The following ARHGAP18 variants were observed in gnomAD, a reference collection of about 807,000 sequenced individuals.
ARHGAP18 encodes the protein rho GTPase-activating protein 18.
Under a neutral mutation model 86.2 loss-of-function variants are expected in ARHGAP18, and 67 were observed. That is an observed-to-expected ratio of 0.78 (90% CI 0.64 to 0.95). ARHGAP18 has a LOEUF of 0.95. ARHGAP18 is among the 40% of genes least tolerant of loss of function. The pLI is 0.00. For missense variants in ARHGAP18, 691 were observed against 780.4 expected (o/e 0.89, Z 1.37); for synonymous variants, 283 against 280.4 (o/e 1.01, Z -0.09).
In ARHGAP18 at chr6:129,584,052, C is replaced by A. The variant is rs1415958105; in HGVS notation, c.1774G>T (p.Ala592Ser). Residue 592 changes from alanine to serine, a missense_variant, in exon 13 of 15, where the codon GCA becomes TCA. Ala to Ser is a moderately conservative substitution (Grantham distance 99). Coordinates refer to ENST00000368149, the MANE Select transcript of ARHGAP18 (RefSeq NM_033515.3). ...TTTAGTTCTTCAGTTAGCTGTATTGCCATGGAAACTTTCGAAAGATGGGGA... is the reference window on the plus strand; with the variant it reads ...TTTAGTTCTTCAGTTAGCTGTATTGACATGGAAACTTTCGAAAGATGGGGA... ...QAPHLSKVSM[A>S]IQLTEELKAS... 1.2e-6 allele frequency: 2 copies of A among 1,613,776 alleles called. No homozygotes were observed. Among genetic ancestry groups the A allele is most frequent in the Non-Finnish European group, 1.7e-6 (2 of 1,179,842 alleles).
intron 13 of ARHGAP18, among the ~76,000 whole-genome samples, chr6:129,582,598 G>A (rs1162600464): frequency 6.6e-6 from 1 of 152,166 alleles, no homozygotes; most frequent in Non-Finnish European, 1.5e-5. Context: ...AGACACTATA[G>A]GGAGCAAAGA....
intron 1 of ARHGAP18, among the ~76,000 whole-genome samples, chr6:129,701,494 G>C (rs111817261): frequency 4.6e-5 from 7 of 152,310 alleles, no homozygotes; most frequent in Admixed American, 1.3e-4. Flanking sequence ...AATTAAGGCC[G>C]GGCGCGGTGG....
intron 1 of ARHGAP18, among the ~76,000 whole-genome samples, chr6:129,688,304 T>C (rs1439212189): frequency 6.6e-6 from 1 of 152,214 alleles, no homozygotes. Context: ...ATCTTCTTAG[T>C]TGGATGTAAG....
At chr6:129,704,303 G>C (rs1469282197) in intron 1 of ARHGAP18, among the ~76,000 whole-genome samples, 2 of 151,986 alleles carry the variant, frequency 1.3e-5, no homozygotes, top group East Asian at 3.9e-4. Flanking sequence ...AAATTAGCCA[G>C]GCATGGTAGC....
At chr6:129,656,569 G>C (rs934325980) in intron 1 of ARHGAP18, among the ~76,000 whole-genome samples, 2 of 152,096 alleles carry the variant, frequency 1.3e-5, no homozygotes, top group Admixed American at 1.3e-4. Context: ...TGAAGAACCC[G>C]GGAGGCGGAG....
At chr6:129,654,278 G>A (rs946781558) in intron 1 of ARHGAP18, among the ~76,000 whole-genome samples, 3 of 152,152 alleles carry the variant, frequency 2.0e-5, no homozygotes, top group Non-Finnish European at 2.9e-5. Context: ...CCATTCTTGT[G>A]CAATGCCACA....
chr6:129,641,249 T>C (rs189486248), intron 2 of ARHGAP18, among the ~76,000 whole-genome samples: 2 of 152,318 alleles, frequency 1.3e-5, no homozygotes, highest in Admixed American at 1.3e-4. Flanking sequence ...TCTAGAAATG[T>C]CTTGGCTAGG....
At chr6:129,691,252 CAG>C in intron 1 of ARHGAP18, among the ~76,000 whole-genome samples, 1 of 152,342 alleles carries the variant, frequency 6.6e-6, no homozygotes, top group Middle Eastern at 3.4e-3. Context: ...AAAGACTACA[CAG>C]ACTTTGGCCC....
intron 1 of ARHGAP18, among the ~76,000 whole-genome samples, chr6:129,657,319 CTAGTT>C (rs1456328330): frequency 2.0e-5 from 3 of 151,338 alleles, no homozygotes; most frequent in Non-Finnish European, 4.4e-5. Flanking sequence ...GGGATAGTAA[CTAGTT>C]TAGTCTCTTC....
intron 1 of ARHGAP18, among the ~76,000 whole-genome samples, chr6:129,696,821 A>G (rs1230544138): frequency 1.3e-5 from 2 of 152,232 alleles, no homozygotes; most frequent in Admixed American, 1.3e-4. Context: ...CAAGAAGATC[A>G]GGAAAGGCAG....
chr6:129,609,978 C>T (rs1788944195), intron 8 of ARHGAP18, among the ~76,000 whole-genome samples: 1 of 151,202 alleles, frequency 6.6e-6, no homozygotes. Context: ...GGACAGTGTG[C>T]ACTCCCCAAG....
At chr6:129,687,282 A>G (rs936123027) in intron 1 of ARHGAP18, among the ~76,000 whole-genome samples, 1 of 152,184 alleles carries the variant, frequency 6.6e-6, no homozygotes, top group East Asian at 1.9e-4. Context: ...ACCAGTTTCC[A>G]ACATTCCAAA....
At chr6:129,685,543 T>G (rs1002560100) in intron 1 of ARHGAP18, among the ~76,000 whole-genome samples, 1 of 152,166 alleles carries the variant, frequency 6.6e-6, no homozygotes, top group African/African-American at 2.4e-5. Flanking sequence ...TGAGTCAATA[T>G]TCAAATATAG....
chr6:129,583,107 G>A lies in ARHGAP18; in HGVS notation c.1838+881C>T, dbSNP rs185991592. Among the ~76,000 whole-genome samples, 57 of 152,260 alleles carry A rather than the reference G, an allele frequency of 3.7e-4. 1 individual carries two copies. Among genetic ancestry groups the A allele is most frequent in the Admixed American group, 2.2e-3 (34 of 15,288 alleles). On this transcript the variant is annotated intron_variant, in intron 13 of 14. Transcript: ENST00000368149. ...TGCTTTAGCAGAAAGCTTGATTGAA[G>A]CCCCCAAATGTTAGAATGAGGAGAT...
intron 1 of ARHGAP18, among the ~76,000 whole-genome samples, chr6:129,655,165 C>T (rs1430611950): frequency 6.6e-6 from 1 of 151,498 alleles, no homozygotes; most frequent in Non-Finnish European, 1.5e-5. Context: ...TACTAAAATA[C>T]AAAATTAGCC....
intron 7 of ARHGAP18, among the ~76,000 whole-genome samples, chr6:129,615,026 T>C (rs1789065652): frequency 6.6e-6 from 1 of 152,126 alleles, no homozygotes; most frequent in Non-Finnish European, 1.5e-5. Flanking sequence ...AGCCCCACAA[T>C]TGTGTGAGCC....
chr6:129,624,016 A>G (rs1351639653), intron 5 of ARHGAP18, among the ~76,000 whole-genome samples: 1 of 152,204 alleles, frequency 6.6e-6, no homozygotes, highest in Admixed American at 6.5e-5. Context: ...CAACTTGAAT[A>G]TAATTAAGAA....
intron 1 of ARHGAP18, among the ~76,000 whole-genome samples, chr6:129,669,548 G>A (rs62421106): frequency 0.19 from 29,188 of 151,110 alleles, 3,077 homozygotes; most frequent in Non-Finnish European, 0.23. Context: ...CACTTTGGGA[G>A]GACAAGGCGG....
chr6:129,669,980 G>A (rs149414423), intron 1 of ARHGAP18, among the ~76,000 whole-genome samples: 348 of 152,094 alleles, frequency 2.3e-3, no homozygotes, highest in African/African-American at 8.2e-3. Flanking sequence ...CATAATTTTG[G>A]CACACTATAA....
Sources: gnomAD v4.1 joint callset for allele counts (sites outside exome capture counted in the v4.1 genomes callset) on GRCh38, gnomAD v4.1.1 for gene constraint, MANE v1.5 for transcripts, NCBI Gene and HGNC (gene_info 2026-07-23, HGNC 2026-07-21) for gene names.